The following SULF2 variants were observed in gnomAD, a reference collection of about 807,000 sequenced individuals.
The protein encoded by SULF2 is sulfatase 2.
A neutral mutation model predicts 107.7 loss-of-function variants in SULF2; 52 were observed. The observed-to-expected ratio is 0.48, with a 90% CI of 0.39 to 0.61. The LOEUF is 0.61. Ranked by LOEUF, SULF2 falls within the 20% of genes least tolerant of loss-of-function variation. SULF2 has a pLI of 0.00. For synonymous variants in SULF2, 460 were observed against 464.3 expected, an observed-to-expected ratio of 0.99 and a Z score of 0.12; for missense variants, 993 against 1,177.3, an observed-to-expected ratio of 0.84 and a Z score of 2.29.
intron 1 of SULF2, among the ~76,000 whole-genome samples, chr20:47,772,753 G>A (rs958897238): frequency 2.5e-4 from 38 of 151,972 alleles, no homozygotes; most frequent in Admixed American, 2.1e-3. Context: ...TGAGATCAAC[G>A]CCACTTACGC....
intron 3 of SULF2, among the ~76,000 whole-genome samples, chr20:47,735,971 C>T (rs553900004): frequency 1.3e-5 from 2 of 152,302 alleles, no homozygotes; most frequent in Non-Finnish European, 2.9e-5. Context: ...TCACAACCGC[C>T]GCGGCTTCTT....
chr20:47,714,398 C>A (rs187983690), intron 3 of SULF2, among the ~76,000 whole-genome samples: 93 of 151,860 alleles, frequency 6.1e-4, no homozygotes, highest in African/African-American at 2.1e-3. Flanking sequence ...ATGGAGGGGA[C>A]TTCAGCTCCT....
chr20:47,711,691 C>T (rs562638211), intron 3 of SULF2, among the ~76,000 whole-genome samples: 105 of 152,324 alleles, frequency 6.9e-4, no homozygotes, highest in African/African-American at 2.5e-3. Context: ...AACACCATTT[C>T]ATTAAATATT....
At chr20:47,659,587 G>A in intron 19 of SULF2, 110 bp downstream of exon 19, 2 of 1,363,042 alleles carry the variant, frequency 1.5e-6, no homozygotes, top group East Asian at 2.3e-5. Flanking sequence ...GGGCAGACCA[G>A]AGGGAAGGGC....
chr20:47,697,808 C>T (rs910720265), intron 4 of SULF2, among the ~76,000 whole-genome samples: 10 of 152,182 alleles, frequency 6.6e-5, no homozygotes, highest in Non-Finnish European at 1.3e-4. Flanking sequence ...CTGAGCACCC[C>T]GGGATAACTT....
At chr20:47,673,462 A>G (rs574514993) in intron 10 of SULF2, among the ~76,000 whole-genome samples, 1 of 152,304 alleles carries the variant, frequency 6.6e-6, no homozygotes, top group Admixed American at 6.5e-5. Flanking sequence ...AAGAGCTGTA[A>G]GGAAAAGTGT....
At chr20:47,745,382 GAAAAAAAAAAAAAAAAAAAA>G (rs1158560282) in intron 2 of SULF2, among the ~76,000 whole-genome samples, 1,151 of 52,026 alleles carry the variant, frequency 0.022, 37 homozygotes, top group Middle Eastern at 0.045. Context: ...AGTTTTGAGG[GAAAAAAAAAAAAAAAAAAAA>G]AAAAAAAAAT....
At chr20:47,720,154 G>C (rs545722344) in intron 3 of SULF2, among the ~76,000 whole-genome samples, 37 of 152,044 alleles carry the variant, frequency 2.4e-4, no homozygotes, top group African/African-American at 8.9e-4. Flanking sequence ...GGGGTTTCAC[G>C]GTGTTAGCCA....
intron 2 of SULF2, among the ~76,000 whole-genome samples, chr20:47,746,019 T>C (rs1323021594): frequency 3.9e-5 from 6 of 152,202 alleles, no homozygotes; most frequent in Admixed American, 2.6e-4. Flanking sequence ...GCTTGAAAAA[T>C]GCAAAGACCT....
chr20:47,663,409 C>A, intron 16 of SULF2, 44 bp downstream of exon 16: 1 of 1,601,440 alleles, frequency 6.2e-7, no homozygotes, highest in Non-Finnish European at 8.5e-7. Context: ...GTTTCTTGAA[C>A]CCCTGGGCCT....
At chr20:47,758,441 G>A (rs1333181214) in intron 1 of SULF2, among the ~76,000 whole-genome samples, 2 of 152,242 alleles carry the variant, frequency 1.3e-5, no homozygotes, top group Non-Finnish European at 2.9e-5. Flanking sequence ...AAAGTGCTGG[G>A]GTTATAGGTG....
At chr20:47,702,153 G>T (rs1165509495) in intron 4 of SULF2, among the ~76,000 whole-genome samples, 4 of 152,122 alleles carry the variant, frequency 2.6e-5, no homozygotes, top group African/African-American at 9.7e-5. Context: ...AAACTCCCGG[G>T]CTTAAGCAAT....
intron 4 of SULF2, among the ~76,000 whole-genome samples, chr20:47,691,783 A>G (rs1234753327): frequency 6.6e-6 from 1 of 152,248 alleles, no homozygotes; most frequent in East Asian, 1.9e-4. Flanking sequence ...TAAGGAACTG[A>G]CTTACATATT....
At chr20:47,682,932 T>A in intron 7 of SULF2, 62 bp downstream of exon 7, 2 of 1,490,114 alleles carry the variant, frequency 1.3e-6, no homozygotes, top group Non-Finnish European at 1.8e-6. Context: ...TTGGGCTGCA[T>A]GGTTGAAGCC....
At chr20:47,712,047 TAC>T (rs1264627072) in intron 3 of SULF2, among the ~76,000 whole-genome samples, 2 of 152,308 alleles carry the variant, frequency 1.3e-5, no homozygotes, top group East Asian at 3.9e-4. Flanking sequence ...CATACACGAA[TAC>T]ACAACATACA....
intron 4 of SULF2, among the ~76,000 whole-genome samples, chr20:47,695,289 TAAAA>T (rs11482656): frequency 6.7e-6 from 1 of 149,962 alleles, no homozygotes; most frequent in African/African-American, 2.4e-5. Context: ...TTTATTGTGG[TAAAA>T]AAAAAATGAG....
chr20:47,697,924 G>T (rs574894960), intron 4 of SULF2, among the ~76,000 whole-genome samples: 1 of 152,376 alleles, frequency 6.6e-6, no homozygotes, highest in South Asian at 2.1e-4. Flanking sequence ...ACTGAGGCTG[G>T]GAGGAGGGAA....
intron 1 of SULF2, among the ~76,000 whole-genome samples, chr20:47,760,922 CGTG>C (rs2090404513): frequency 2.0e-5 from 3 of 152,214 alleles, no homozygotes. Context: ...CTTTATGCCA[CGTG>C]GTGTGATGGT....
At chr20:47,736,032 A>C (rs1387380384) in intron 3 of SULF2, among the ~76,000 whole-genome samples, 2 of 152,240 alleles carry the variant, frequency 1.3e-5, no homozygotes, top group Non-Finnish European at 2.9e-5. Context: ...AGTTAAATGA[A>C]TTGAGTCTGG....
Sources: allele counts gnomAD v4.1 joint callset (sites outside exome capture counted in the v4.1 genomes callset), GRCh38; gene constraint gnomAD v4.1.1; transcripts MANE v1.5; gene names NCBI Gene and HGNC (gene_info 2026-07-23, HGNC 2026-07-21).